The following MYLK variants were observed in gnomAD, a reference collection of about 807,000 sequenced individuals.
MYLK encodes the protein myosin light chain kinase.
MYLK carries 106 observed loss-of-function variants against 203.4 expected under a neutral mutation model. The observed-to-expected ratio is 0.52, with a 90% CI of 0.45 to 0.61. The LOEUF is 0.61. Ranked by LOEUF, MYLK falls within the 20% of genes least tolerant of loss-of-function variation. MYLK has a pLI of 0.00. For synonymous variants in MYLK, 867 were observed against 959.5 expected, an observed-to-expected ratio of 0.90 and a Z score of 1.78; for missense variants, 2,072 against 2,442.3, an observed-to-expected ratio of 0.85 and a Z score of 3.20.
At chr3:123,867,710 A>G (rs2032431378) in intron 2 of MYLK, among the ~76,000 whole-genome samples, 1 of 152,202 alleles carries the variant, frequency 6.6e-6, no homozygotes, top group Non-Finnish European at 1.5e-5. Context: ...TGAGAAAATG[A>G]ATTTCCATTG....
intron 29 of MYLK, among the ~76,000 whole-genome samples, chr3:123,635,233 G>A (rs1272938117): frequency 6.6e-6 from 1 of 152,270 alleles, no homozygotes; most frequent in African/African-American, 2.4e-5. Flanking sequence ...GTGGGCCAGA[G>A]GATGCCATGA....
At chr3:123,631,908 T>C (rs1176491123) in intron 29 of MYLK, among the ~76,000 whole-genome samples, 1 of 151,518 alleles carries the variant, frequency 6.6e-6, no homozygotes, top group Non-Finnish European at 1.5e-5. Context: ...GTTGCTCTGT[T>C]GCCCAGGCTG....
At chr3:123,748,080 A>G (rs1020655796) in intron 5 of MYLK, among the ~76,000 whole-genome samples, 3 of 152,230 alleles carry the variant, frequency 2.0e-5, no homozygotes, top group Admixed American at 1.3e-4. Flanking sequence ...GCTGTACAAG[A>G]AGCATGGCAC....
At chr3:123,823,820 C>G (rs1232129703) in intron 3 of MYLK, among the ~76,000 whole-genome samples, 1 of 152,222 alleles carries the variant, frequency 6.6e-6, no homozygotes, top group Non-Finnish European at 1.5e-5. Flanking sequence ...AAGCTCTGCC[C>G]TCCCACTCTT....
chr3:123,658,817 G>A (rs968312488), intron 23 of MYLK, among the ~76,000 whole-genome samples: 2 of 152,128 alleles, frequency 1.3e-5, no homozygotes, highest in Non-Finnish European at 2.9e-5. Context: ...ATATACATGT[G>A]TATATGAGTA....
At chr3:123,652,083 T>C (rs1447551435) in intron 24 of MYLK, among the ~76,000 whole-genome samples, 2 of 152,104 alleles carry the variant, frequency 1.3e-5, no homozygotes, top group Non-Finnish European at 2.9e-5. Flanking sequence ...CCGATCTCTT[T>C]AAAAAAGAGA....
intron 3 of MYLK, among the ~76,000 whole-genome samples, chr3:123,820,624 T>TTCCTTCCTTCCTTCCTTCCTTCCC (rs2065893628): frequency 1.4e-5 from 2 of 138,164 alleles, no homozygotes; most frequent in Non-Finnish European, 3.3e-5. Context: ...CCTTCCTTCC[T>TTCCTTCCTTCCTTCCTTCCTTCCC]TCCTTCCTTC....
chr3:123,692,359 C>A (rs987591569), intron 19 of MYLK: 2 of 1,175,126 alleles, frequency 1.7e-6, no homozygotes, highest in Non-Finnish European at 2.1e-6. Flanking sequence ...GTCGTCCTGC[C>A]AGCTCGGACA....
chr3:123,637,198 C>T lies in MYLK; in HGVS notation c.4961+873G>A, dbSNP rs577916706. Among the ~76,000 whole-genome samples the T allele has an allele frequency of 1.8e-4, 27 of 152,310 alleles. No homozygotes were observed. The South Asian group carries it at 5.4e-3, about 30-fold the overall frequency. The stretch of plus-strand genomic sequence containing the variant: ...GACACCATCCCATAACTGCATGTGG[C>T]CACACAGGTTCAGGGGCTAATGACC... On this transcript the variant is annotated intron_variant, in intron 29 of 33. Coordinates refer to ENST00000360304, the MANE Select transcript of MYLK (RefSeq NM_053025.4).
chr3:123,817,384 G>A (rs1207856409), intron 3 of MYLK, among the ~76,000 whole-genome samples: 3 of 152,132 alleles, frequency 2.0e-5, no homozygotes, highest in Admixed American at 6.5e-5. Context: ...GAAGCCAGTT[G>A]CCACCACTCC....
chr3:123,831,583 C>T lies in MYLK; in HGVS notation c.-39G>A. Reference sequence around the variant, plus strand: ...TCTGTTGTTTGTTGTGGCAACTGGGCCAGTGGGACAGGAAAGGCGTCCTGA... The same window carrying T: ...TCTGTTGTTTGTTGTGGCAACTGGGTCAGTGGGACAGGAAAGGCGTCCTGA... On this transcript the variant is annotated 5_prime_UTR_variant, in exon 3 of 34. Transcript: ENST00000360304. 1 of 360,412 alleles carries T rather than the reference C, an allele frequency of 2.8e-6. No individual in the cohort carries two copies. Among genetic ancestry groups the T allele is most frequent in the Admixed American group, 4.5e-5 (1 of 22,298 alleles). 22.3% of individuals were successfully genotyped at this position (360,412 alleles called of 1,614,324 possible).
chr3:123,786,785 A>T (rs1283674734), intron 4 of MYLK, among the ~76,000 whole-genome samples: 1 of 152,116 alleles, frequency 6.6e-6, no homozygotes, highest in Non-Finnish European at 1.5e-5. Flanking sequence ...CCTACTATGA[A>T]CTCACAAAAA....
intron 4 of MYLK, among the ~76,000 whole-genome samples, chr3:123,769,887 T>C (rs1353719847): frequency 6.6e-6 from 1 of 152,232 alleles, no homozygotes; most frequent in Non-Finnish European, 1.5e-5. Flanking sequence ...TGAACATTTT[T>C]ATTCCGTTGA....
chr3:123,692,419 G>A, intron 19 of MYLK: 1 of 1,219,102 alleles, frequency 8.2e-7, no homozygotes, highest in Non-Finnish European at 1.0e-6. Flanking sequence ...TTTCCTGTGG[G>A]TGTGTCTTTT....
chr3:123,632,534 G>T (rs1174795382), intron 29 of MYLK, among the ~76,000 whole-genome samples: 1 of 152,104 alleles, frequency 6.6e-6, no homozygotes, highest in African/African-American at 2.4e-5. Context: ...TCTGGCCTCT[G>T]GCACTCCTCC....
At chr3:123,677,918 T>TATATATATATATATATATACAC (rs1273803739) in intron 20 of MYLK, among the ~76,000 whole-genome samples, 44 of 78,844 alleles carry the variant, frequency 5.6e-4, no homozygotes, top group East Asian at 1.7e-3. Context: ...TATATATATA[T>TATATATATATATATATATACAC]ACACACACAC....
At chr3:123,758,265 C>T (rs1208203799) in intron 4 of MYLK, among the ~76,000 whole-genome samples, 1 of 152,056 alleles carries the variant, frequency 6.6e-6, no homozygotes, top group Non-Finnish European at 1.5e-5. Context: ...TTGAATAATC[C>T]CATTGCCAAC....
chr3:123,678,778 G>A (rs2060158903), intron 20 of MYLK, among the ~76,000 whole-genome samples: 1 of 152,004 alleles, frequency 6.6e-6, no homozygotes, highest in African/African-American at 2.4e-5. Flanking sequence ...ATCTCTGTGG[G>A]ACAAAAATCC....
chr3:123,679,080 G>A (rs529603638), intron 20 of MYLK, among the ~76,000 whole-genome samples: 3 of 152,058 alleles, frequency 2.0e-5, no homozygotes, highest in African/African-American at 7.2e-5. Flanking sequence ...AGGCTGAGGC[G>A]GGCGGATCAC....
Sources: allele counts gnomAD v4.1 joint callset (sites outside exome capture counted in the v4.1 genomes callset), GRCh38; gene constraint gnomAD v4.1.1; transcripts MANE v1.5; gene names NCBI Gene and HGNC (gene_info 2026-07-23, HGNC 2026-07-21).